The following WWOX variants were observed in gnomAD, a reference collection of about 807,000 sequenced individuals.
The protein encoded by WWOX is WW domain-containing oxidoreductase.
In WWOX, 69 loss-of-function variants were observed where a neutral mutation model predicts 46.2. The observed-to-expected ratio is 1.49, with a 90% confidence interval of 1.23 to 1.82. WWOX has a LOEUF of 1.82. Ranked by LOEUF, WWOX falls within the 40% of genes most tolerant of loss-of-function variation. The pLI is 0.00. For missense variants in WWOX, 919 were observed against 542.6 expected (o/e 1.69, Z -6.89); for synonymous variants, 359 against 202.6 (o/e 1.77, Z -6.56).
At chr16:78,447,796 A>G (rs557685989) in intron 8 of WWOX, among the ~76,000 whole-genome samples, 2 of 152,202 alleles carry the variant, frequency 1.3e-5, no homozygotes, top group South Asian at 2.1e-4. Flanking sequence ...AGAAGAAACT[A>G]TTATTATTAT....
chr16:78,882,417 A>G (rs1248286468), intron 8 of WWOX, among the ~76,000 whole-genome samples: 2 of 152,010 alleles, frequency 1.3e-5, no homozygotes, highest in East Asian at 3.9e-4. Context: ...TGTGCCTCCC[A>G]TTAAATCATC....
At position 79,212,097 on chromosome 16, in the gene WWOX, A is replaced by G; in HGVS notation, c.*301A>G. 1 of 1,536,056 alleles carries G rather than the reference A, an allele frequency of 6.5e-7. No individual in the cohort carries two copies. Among genetic ancestry groups the G allele is most frequent in the Admixed American group, 2.0e-5 (1 of 50,846 alleles). On this transcript the variant is annotated 3_prime_UTR_variant, in exon 9 of 9. Coordinates refer to ENST00000566780, the MANE Select transcript of WWOX (RefSeq NM_016373.4). The stretch of plus-strand genomic sequence containing the variant: ...TTCCGTATCTCCCTGGAGAAGCACC[A>G]GCAATTCTCTTTCTTTTACTGTTAT...
chr16:78,830,720 T>C (rs913341574), intron 8 of WWOX, among the ~76,000 whole-genome samples: 1 of 151,676 alleles, frequency 6.6e-6, no homozygotes, highest in African/African-American at 2.4e-5. Flanking sequence ...TCAGGTCGAT[T>C]TGGCCAAGCA....
At chr16:78,881,555 C>A (rs766035159) in intron 8 of WWOX, among the ~76,000 whole-genome samples, 3 of 152,204 alleles carry the variant, frequency 2.0e-5, no homozygotes, top group African/African-American at 7.2e-5. Flanking sequence ...TAGTCTCTAA[C>A]CTCAAGGCAA....
At chr16:78,654,008 C>T (rs554363321) in intron 8 of WWOX, among the ~76,000 whole-genome samples, 45 of 152,334 alleles carry the variant, frequency 3.0e-4, no homozygotes, top group African/African-American at 1.1e-3. Context: ...TGCTCAAGGT[C>T]GTATCCAGCT....
intron 8 of WWOX, among the ~76,000 whole-genome samples, chr16:78,987,253 G>C (rs1044456701): frequency 6.6e-6 from 1 of 152,166 alleles, no homozygotes; most frequent in African/African-American, 2.4e-5. Context: ...CTCAGTCCTG[G>C]CTTTATTGAT....
At chr16:78,811,892 G>C (rs1470821197) in intron 8 of WWOX, among the ~76,000 whole-genome samples, 1 of 152,166 alleles carries the variant, frequency 6.6e-6, no homozygotes, top group Non-Finnish European at 1.5e-5. Context: ...TTCTTACTGA[G>C]TCATGAGCAT....
intron 6 of WWOX, among the ~76,000 whole-genome samples, chr16:78,399,612 G>T (rs750069651): frequency 6.6e-6 from 1 of 152,090 alleles, no homozygotes; most frequent in African/African-American, 2.4e-5. Context: ...GCAAATCCCC[G>T]GCGTCAGGGT....
intron 5 of WWOX, among the ~76,000 whole-genome samples, chr16:78,242,609 G>T (rs937691608): frequency 1.3e-5 from 2 of 152,160 alleles, no homozygotes; most frequent in African/African-American, 4.8e-5. Flanking sequence ...AAAGGTGAGG[G>T]TAGCAGGGTG....
intron 8 of WWOX, among the ~76,000 whole-genome samples, chr16:78,523,528 T>C (rs2043393679): frequency 6.6e-6 from 1 of 152,242 alleles, no homozygotes; most frequent in Admixed American, 6.5e-5. Context: ...TAAATGCTTG[T>C]ACTCTCTATC....
chr16:79,001,488 T>C (rs1408145197), intron 8 of WWOX, among the ~76,000 whole-genome samples: 2 of 152,190 alleles, frequency 1.3e-5, no homozygotes, highest in East Asian at 3.9e-4. Context: ...AAGGCAATTA[T>C]ATAGTGTGTA....
intron 8 of WWOX, among the ~76,000 whole-genome samples, chr16:78,493,797 G>C (rs1161857994): frequency 6.6e-6 from 1 of 152,164 alleles, no homozygotes; most frequent in African/African-American, 2.4e-5. Context: ...CATAGAGGTG[G>C]AATTGTTGTG....
intron 8 of WWOX, among the ~76,000 whole-genome samples, chr16:78,510,019 G>C (rs920452148): frequency 2.3e-4 from 35 of 151,960 alleles, no homozygotes; most frequent in African/African-American, 8.5e-4. Context: ...CCATGATTGT[G>C]CCACTGCTCT....
At chr16:78,751,471 A>T (rs868580122) in intron 8 of WWOX, among the ~76,000 whole-genome samples, 1 of 143,754 alleles carries the variant, frequency 7.0e-6, no homozygotes, top group African/African-American at 2.6e-5. Context: ...TTATATATAT[A>T]TATATATATA....
Position 78,129,128 on chromosome 16 carries a change from G to A in WWOX, c.409+13974G>A, listed in dbSNP as rs949280159. On this transcript the variant is annotated intron_variant, in intron 4 of 8. Coordinates refer to ENST00000566780, the MANE Select transcript of WWOX (RefSeq NM_016373.4). ...TTGGGAGCTGTCAGCCTGTGTGCACGAGGACCTTTTTCCTCCCAGGGTTAG... is the reference window on the plus strand; with the variant it reads ...TTGGGAGCTGTCAGCCTGTGTGCACAAGGACCTTTTTCCTCCCAGGGTTAG... Among the ~76,000 whole-genome samples, 6 of 151,592 alleles carry A rather than the reference G, an allele frequency of 4.0e-5. 1 individual carries two copies. In the South Asian group the frequency reaches 1.2e-3, roughly 31 times the overall value.
intron 1 of WWOX, among the ~76,000 whole-genome samples, chr16:78,100,718 C>G (rs1415747024): frequency 2.0e-5 from 3 of 152,208 alleles, no homozygotes; most frequent in Non-Finnish European, 4.4e-5. Context: ...AGGGTCAGTT[C>G]AGGCACTGTG....
intron 5 of WWOX, among the ~76,000 whole-genome samples, chr16:78,184,404 C>A (rs2035630107): frequency 6.6e-6 from 1 of 152,064 alleles, no homozygotes; most frequent in Non-Finnish European, 1.5e-5. Context: ...TCACCTTTGC[C>A]AGGACCCCTG....
At chr16:78,727,477 C>T (rs1417822368) in intron 8 of WWOX, among the ~76,000 whole-genome samples, 1 of 152,132 alleles carries the variant, frequency 6.6e-6, no homozygotes, top group Admixed American at 6.6e-5. Context: ...ACAGAACTGC[C>T]AGGGTACGTG....
intron 8 of WWOX, among the ~76,000 whole-genome samples, chr16:78,697,434 C>T (rs1435824086): frequency 5.3e-5 from 8 of 152,108 alleles, no homozygotes; most frequent in Non-Finnish European, 1.0e-4. Flanking sequence ...AGCTTTTGCC[C>T]AGCAAAAGGA....
Sources: gnomAD v4.1 joint callset for allele counts (sites outside exome capture counted in the v4.1 genomes callset) on GRCh38, gnomAD v4.1.1 for gene constraint, MANE v1.5 for transcripts, NCBI Gene and HGNC (gene_info 2026-07-23, HGNC 2026-07-21) for gene names.